NSUN7: variants seen among roughly 807,000 people sequenced by gnomAD.
NSUN7 encodes the protein NOP2/Sun RNA methyltransferase family member 7, also known as protein NSUN7.
In NSUN7, 39 loss-of-function variants were observed where a neutral mutation model predicts 58.5. The ratio of observed to expected loss-of-function variants is 0.67; its 90% CI spans 0.52 to 0.87. The LOEUF is 0.87. Among genes scored for constraint, NSUN7 ranks in the 40% least tolerant of loss-of-function variants. NSUN7 has a pLI of 0.00. For synonymous variants in NSUN7, 278 were observed against 303.7 expected, an observed-to-expected ratio of 0.92 and a Z score of 0.88; for missense variants, 765 against 844.1, an observed-to-expected ratio of 0.91 and a Z score of 1.16.
intron 4 of NSUN7, among the ~76,000 whole-genome samples, chr4:40,767,713 C>G (rs887510189): frequency 9.2e-5 from 14 of 152,166 alleles, no homozygotes; most frequent in African/African-American, 3.4e-4. Context: ...TCTCATACAA[C>G]TCAAGGACTC....
At chr4:40,763,063 A>G (rs1480056623) in intron 4 of NSUN7, among the ~76,000 whole-genome samples, 1 of 152,172 alleles carries the variant, frequency 6.6e-6, no homozygotes, top group Non-Finnish European at 1.5e-5. Flanking sequence ...GGGACTGTTT[A>G]ATGCCACAGA....
Position 40,809,089 on chromosome 4 carries a change from A to G in NSUN7, c.*150A>G. 1 of 817,486 alleles carries G rather than the reference A, an allele frequency of 1.2e-6. No homozygotes were observed. Among genetic ancestry groups the G allele is most frequent in the Non-Finnish European group, 1.8e-6 (1 of 546,306 alleles). 50.6% of individuals were successfully genotyped at this position (817,486 alleles called of 1,614,324 possible). A position where few individuals can be genotyped will look rare whatever the true frequency, so the allele number is the denominator to read the frequency against. On this transcript the variant is annotated 3_prime_UTR_variant, in exon 12 of 12. Transcript: ENST00000381782. ...GTGTGATATTACTTTCAGAGAATTC[A>G]GACAAGTGAGAAACAATAATGTAGG... is the stretch of plus-strand genomic sequence containing the variant.
Position 40,774,303 on chromosome 4 carries a change from G to A in NSUN7, c.527G>A (p.Arg176Gln), listed in dbSNP as rs773389446. The part of the protein sequence containing the change: ...IKLAAALARC[R>Q]IKHDALSIYH... ...TTGGCTGCAGCATTGGCAAGATGTC[G>A]AATCAAGCATGATGCCCTTTCAATT... Residue 176 changes from arginine (R) to glutamine (Q), a missense_variant, in exon 5 of 12, where the codon CGA becomes CAA. Arg to Gln is a conservative substitution (Grantham distance 43, BLOSUM62 1). Coordinates refer to ENST00000381782, the MANE Select transcript of NSUN7 (RefSeq NM_024677.6). 56 of 1,613,924 alleles carry A rather than the reference G, an allele frequency of 3.5e-5. No homozygotes were observed. Among genetic ancestry groups the A allele is most frequent in the Non-Finnish European group, 3.9e-5 (46 of 1,179,946 alleles).
At chr4:40,791,221 T>A (rs1439230040) in intron 8 of NSUN7, among the ~76,000 whole-genome samples, 1 of 152,212 alleles carries the variant, frequency 6.6e-6, no homozygotes, top group Non-Finnish European at 1.5e-5. Flanking sequence ...CTCAAAGGTG[T>A]CTTAATCGCT....
intron 4 of NSUN7, among the ~76,000 whole-genome samples, chr4:40,773,454 G>A (rs750431823): frequency 1.3e-5 from 2 of 152,012 alleles, no homozygotes; most frequent in Non-Finnish European, 2.9e-5. Context: ...AGGCTGAGGC[G>A]GGCGGATCAC....
chr4:40,758,062 A>G (rs1439150289), intron 2 of NSUN7, among the ~76,000 whole-genome samples: 1 of 152,010 alleles, frequency 6.6e-6, no homozygotes, highest in Non-Finnish European at 1.5e-5. Context: ...GTGGGATTAG[A>G]GGTGCGCCAC....
Position 40,808,993 on chromosome 4 carries a change from T to C in NSUN7, c.*54T>C. On this transcript the variant is annotated 3_prime_UTR_variant, in exon 12 of 12. Transcript: ENST00000381782. ...GAGCAGTTGATTTTTTTTCAAAGTC[T>C]AGTATTTCTCTGAAGATTCTACATC... is the stretch of plus-strand genomic sequence containing the variant. The C allele has an allele frequency of 6.9e-7, 1 of 1,441,508 alleles. No individual in the cohort carries two copies. Among genetic ancestry groups the C allele is most frequent in the Non-Finnish European group, 9.1e-7 (1 of 1,096,154 alleles). The allele number at this position is 1,441,508 out of a possible 1,614,324, so 89.3% of individuals were successfully genotyped here. A position where few individuals can be genotyped will look rare whatever the true frequency, so the allele number is the denominator to read the frequency against.
At chr4:40,786,731 A>G in intron 7 of NSUN7, 3 of 1,538,486 alleles carry the variant, frequency 1.9e-6, no homozygotes, top group Non-Finnish European at 2.6e-6. Context: ...TACCTATTAT[A>G]TCTGTGTGGA....
intron 7 of NSUN7, among the ~76,000 whole-genome samples, chr4:40,786,907 G>T (rs1181594129): frequency 6.6e-6 from 1 of 152,014 alleles, no homozygotes; most frequent in Non-Finnish European, 1.5e-5. Flanking sequence ...TTCTTAAAGT[G>T]GTCTCTTCTC....
At chr4:40,794,295 T>G (rs977733963) in intron 8 of NSUN7, 80 bp from the exon 9 acceptor site, 28 of 637,688 alleles carry the variant, frequency 4.4e-5, no homozygotes, top group Admixed American at 1.0e-4. Context: ...GCAAAATGAT[T>G]GAAAAATTAT....
intron 4 of NSUN7, among the ~76,000 whole-genome samples, chr4:40,764,300 A>G (rs544869029): frequency 2.1e-5 from 3 of 142,164 alleles, no homozygotes; most frequent in Admixed American, 7.7e-5. Context: ...TCATTGTTCA[A>G]TTCCCACCTA....
intron 4 of NSUN7, among the ~76,000 whole-genome samples, chr4:40,769,702 C>G (rs955064116): frequency 3.3e-5 from 5 of 152,190 alleles, no homozygotes; most frequent in African/African-American, 1.2e-4. Flanking sequence ...TCCCCAGTTT[C>G]TCTCATTCCC....
Position 40,794,553 on chromosome 4 carries a change from A to C in NSUN7, c.1282+77A>C. On this transcript the variant is annotated intron_variant, in intron 9 of 11. Coordinates refer to ENST00000381782, the MANE Select transcript of NSUN7 (RefSeq NM_024677.6). ...ATATTAGTCTTTCACGATCTATTAT[A>C]ATCAAGCAATGAAGTGTGAGCCATG... 4.7e-6 allele frequency: 4 copies of C among 857,846 alleles called. No individual in the cohort carries two copies. The South Asian group carries it at 6.4e-5, about 14-fold the overall frequency. 53.1% of individuals were successfully genotyped at this position (857,846 alleles called of 1,614,324 possible). A position where few individuals can be genotyped will look rare whatever the true frequency, so the allele number is the denominator to read the frequency against.
intron 1 of NSUN7, 95 bp from the exon 2 acceptor site, chr4:40,750,508 G>A (rs1272523509): frequency 1.9e-6 from 1 of 522,776 alleles, no homozygotes. Flanking sequence ...GACGGGAAAT[G>A]CTCCCTCTTA....
Position 40,750,893 on chromosome 4 carries a change from TAATC to T in NSUN7, c.203_206del (p.Ile68SerfsTer30), listed in dbSNP as rs775152515. 4 of 1,614,190 alleles carry T rather than the reference TAATC, an allele frequency of 2.5e-6. No homozygotes were observed. Among genetic ancestry groups the T allele is most frequent in the Admixed American group, 3.3e-5 (2 of 60,024 alleles). On this transcript the variant is annotated frameshift_variant, in exon 2 of 12. Coordinates refer to ENST00000381782, the MANE Select transcript of NSUN7 (RefSeq NM_024677.6). LOFTEE classifies it high-confidence loss of function. ...ATCGAAAAGTCGGCACAGAAAGTCT[TAATC>T]AAGTATGGGAATGAACCCCTGCGGT...
chr4:40,782,715 A>C (rs976919891), intron 7 of NSUN7, among the ~76,000 whole-genome samples: 1 of 152,006 alleles, frequency 6.6e-6, no homozygotes, highest in Non-Finnish European at 1.5e-5. Flanking sequence ...CCAAAAATTT[A>C]AAAATTAACC....
intron 10 of NSUN7, among the ~76,000 whole-genome samples, chr4:40,801,901 C>CAAAAAAAA (rs56868885): frequency 1.3e-4 from 14 of 107,330 alleles, no homozygotes; most frequent in African/African-American, 3.9e-4. Context: ...GACTCTGTCT[C>CAAAAAAAA]AAAAAAAAAA....
chr4:40,776,377 C>A, intron 7 of NSUN7, 118 bp downstream of exon 7: 1 of 634,616 alleles, frequency 1.6e-6, no homozygotes, highest in East Asian at 2.8e-5. Flanking sequence ...GAACTAATAT[C>A]TTAAAATCCT....
In NSUN7 at chr4:40,776,809, T is replaced by C. The variant is rs964229434; in HGVS notation, c.1036+550T>C. On this transcript the variant is annotated intron_variant, in intron 7 of 11. Coordinates refer to ENST00000381782, the MANE Select transcript of NSUN7 (RefSeq NM_024677.6). ...TTTTCTAATTTTTGTAGAGCCAAGG[T>C]TTTGCAGTGTTGCTCAAGCTAATCT... Among the ~76,000 whole-genome samples the C allele has an allele frequency of 2.0e-5, 3 of 152,006 alleles. No homozygotes were observed. The East Asian group carries it at 5.8e-4, about 29-fold the overall frequency.
Sources: allele counts gnomAD v4.1 joint callset (sites outside exome capture counted in the v4.1 genomes callset), GRCh38; gene constraint gnomAD v4.1.1; transcripts MANE v1.5; gene names NCBI Gene and HGNC (gene_info 2026-07-23, HGNC 2026-07-21).